The following SGK2 variants were observed in gnomAD, a reference collection of about 807,000 sequenced individuals.
SGK2 encodes serum/glucocorticoid regulated kinase 2.
A neutral mutation model predicts 47.5 loss-of-function variants in SGK2; 36 were observed. That is an observed-to-expected ratio of 0.76 (90% CI 0.58 to 1.00). The LOEUF (loss-of-function observed/expected upper bound fraction) is 1.00. SGK2 is among the 50% of genes least tolerant of loss of function. SGK2 has a pLI of 0.00. For synonymous variants in SGK2, 157 were observed against 181.9 expected (o/e 0.86, Z 1.10); for missense variants, 404 against 467.4 (o/e 0.86, Z 1.25).
At chr20:43,573,846 C>T (rs888634195) in intron 9 of SGK2, among the ~76,000 whole-genome samples, 18 of 152,164 alleles carry the variant, frequency 1.2e-4, no homozygotes, top group Non-Finnish European at 1.5e-5. Context: ...GCCATCCCTT[C>T]CTTGGACGTT....
At chr20:43,566,958 G>A (rs981323280) in intron 2 of SGK2, 110 bp from the exon 3 acceptor site, 4 of 823,976 alleles carry the variant, frequency 4.9e-6, no homozygotes, top group Non-Finnish European at 7.9e-6. Context: ...AAAAGAAAAA[G>A]GCAGGCAGGC....
At chr20:43,566,718 G>T (rs532936121) in intron 2 of SGK2, among the ~76,000 whole-genome samples, 187 bp downstream of exon 2, 11 of 152,180 alleles carry the variant, frequency 7.2e-5, no homozygotes, top group Middle Eastern at 3.2e-3. Flanking sequence ...GAAAAATCAT[G>T]AGATTTGTCA....
intron 10 of SGK2, 82 bp from the exon 11 acceptor site, chr20:43,576,142 C>T (rs1600996888): frequency 6.5e-7 from 1 of 1,534,530 alleles, no homozygotes; most frequent in East Asian, 2.3e-5. Flanking sequence ...ATCCTCCCAG[C>T]CGCCCACCTT....
chr20:43,569,346 T>A, intron 5 of SGK2, 39 bp from the exon 6 acceptor site: 1 of 1,609,872 alleles, frequency 6.2e-7, no homozygotes, highest in Non-Finnish European at 8.5e-7. Context: ...GAGGCTGTTG[T>A]GGGCTGTGAC....
At chr20:43,574,126 C>T (rs1231484906) in intron 9 of SGK2, among the ~76,000 whole-genome samples, 1 of 152,206 alleles carries the variant, frequency 6.6e-6, no homozygotes, top group Non-Finnish European at 1.5e-5. Flanking sequence ...GTACCAACCA[C>T]GGCTCAGGTC....
intron 12 of SGK2, among the ~76,000 whole-genome samples, chr20:43,581,915 T>G (rs908161339): frequency 6.6e-6 from 1 of 152,256 alleles, no homozygotes; most frequent in Non-Finnish European, 1.5e-5. Context: ...GCTGGAGAGT[T>G]CTCATCTTGC....
rs1272741825 is a variant in SGK2, at chr20:43,580,044, C to T, written c.922C>T (p.Pro308Ser). 2.5e-6 allele frequency: 4 copies of T among 1,601,282 alleles called. No individual in the cohort carries two copies. Among genetic ancestry groups the T allele is most frequent in the African/African-American group, 1.3e-5 (1 of 74,402 alleles). The change falls in exon 12 of 13, where the codon CCC (proline) becomes TCC (serine). Residue 308 changes from proline (P) to serine (S), a missense_variant. Pro to Ser is a moderately conservative substitution (Grantham distance 74, BLOSUM62 -1). Coordinates refer to ENST00000373100, the MANE Select transcript of SGK2 (RefSeq NM_170693.3). ...CCTGTACCACAAGAGGCTAACTCCA[C>T]CCTTCAACCCAAATGTGGTAAGAGG... ...DDLYHKRLTP[P>S]FNPNVTGPAD...
intron 11 of SGK2, 36 bp from the exon 12 acceptor site, chr20:43,579,936 C>T (rs550715908): frequency 1.3e-6 from 2 of 1,492,108 alleles, no homozygotes; most frequent in African/African-American, 1.4e-5. Flanking sequence ...GGGAGGGCTA[C>T]TTCTAACCAG....
rs1367790353 is a variant in SGK2 at position 43,561,450 on chromosome 20, C to T, written c.-24+2291C>T. Among the ~76,000 whole-genome samples the T allele has an allele frequency of 8.6e-5, 12 of 140,280 alleles. No homozygotes were observed. The South Asian group carries it at 9.0e-4, about 10-fold the overall frequency. The allele number at this position is 140,280 out of a possible 152,430, so 92.0% of individuals were successfully genotyped here. ...CTGTCACCAGGCTGGAGTGCAGTGGCGTGATCTCAGCTCACTGCAACCTCT... is the reference window on the plus strand; with the variant it reads ...CTGTCACCAGGCTGGAGTGCAGTGGTGTGATCTCAGCTCACTGCAACCTCT... On this transcript the variant is annotated intron_variant, in intron 1 of 12. Transcript: ENST00000373100.
At chr20:43,567,572 A>T (rs1979811117) in intron 3 of SGK2, 93 bp from the exon 4 acceptor site, 3 of 1,176,714 alleles carry the variant, frequency 2.5e-6, no homozygotes, top group Non-Finnish European at 3.8e-6. Flanking sequence ...GTATTTCCCC[A>T]TTCTAAAGTT....
intron 10 of SGK2, 126 bp from the exon 11 acceptor site, chr20:43,576,098 T>C (rs1980442255): frequency 9.4e-7 from 1 of 1,061,334 alleles, no homozygotes; most frequent in Non-Finnish European, 1.4e-6. Flanking sequence ...CAGTCTGCCA[T>C]GCGAGCCATT....
Position 43,567,001 on chromosome 20 carries a change from T to A in SGK2, c.37-67T>A, listed in dbSNP as rs1979771118. On this transcript the variant is annotated intron_variant, in intron 2 of 12. Transcript: ENST00000373100. ...AGTTGTTGGAGAAGGGATCAGGGCC[T>A]GGGCCAGGAGAAAGGGAGGTAGCCA... 3.7e-6 allele frequency: 5 copies of A among 1,346,614 alleles called. No individual in the cohort carries two copies. The East Asian group carries it at 1.1e-4, about 31-fold the overall frequency. 83.4% of individuals were successfully genotyped at this position (1,346,614 alleles called of 1,614,324 possible).
In SGK2 at chr20:43,568,918, G is replaced by C. The variant is rs554060765; in HGVS notation, c.229-467G>C. On this transcript the variant is annotated intron_variant, in intron 5 of 12. Coordinates refer to ENST00000373100, the MANE Select transcript of SGK2 (RefSeq NM_170693.3). The stretch of plus-strand genomic sequence containing the variant: ...AGATTAATGTTAACAAGGTCTCCGT[G>C]GGGGGTGGAATGGGAGGTCTTCCTG... Among the ~76,000 whole-genome samples, 11 of 152,276 alleles carry C rather than the reference G, an allele frequency of 7.2e-5. No individual in the cohort carries two copies. In the East Asian group the frequency reaches 9.6e-4, roughly 13 times the overall value.
At chr20:43,584,184 C>T (rs1187975035) in intron 12 of SGK2, among the ~76,000 whole-genome samples, 1 of 152,016 alleles carries the variant, frequency 6.6e-6, no homozygotes, top group Non-Finnish European at 1.5e-5. Context: ...TAGTCTGGGG[C>T]TGTTCACATG....
At chr20:43,569,050 A>G (rs1197690710) in intron 5 of SGK2, among the ~76,000 whole-genome samples, 1 of 152,166 alleles carries the variant, frequency 6.6e-6, no homozygotes, top group African/African-American at 2.4e-5. Context: ...ATGAATATGG[A>G]TAGTGTGTGG....
intron 12 of SGK2, among the ~76,000 whole-genome samples, chr20:43,584,110 C>G (rs1226508170): frequency 2.0e-5 from 3 of 152,080 alleles, no homozygotes; most frequent in African/African-American, 7.2e-5. Flanking sequence ...CACTCCCATG[C>G]CTGGGAGTTG....
chr20:43,576,841 C>A (rs1980489895), intron 11 of SGK2, among the ~76,000 whole-genome samples: 1 of 152,226 alleles, frequency 6.6e-6, no homozygotes, highest in Non-Finnish European at 1.5e-5. Context: ...ACTTAGTAGG[C>A]TGAGGCAGGA....
At chr20:43,570,795 T>C in intron 7 of SGK2, 66 bp downstream of exon 7, 2 of 1,357,124 alleles carry the variant, frequency 1.5e-6, no homozygotes, top group Middle Eastern at 1.8e-4. Context: ...AGGGGTTGTG[T>C]GGACACTAAA....
At chr20:43,578,093 CT>C (rs954196969) in intron 11 of SGK2, among the ~76,000 whole-genome samples, 2 of 152,186 alleles carry the variant, frequency 1.3e-5, no homozygotes, top group African/African-American at 4.8e-5. Flanking sequence ...AATAATCCTA[CT>C]TTTTTTATTC....
Sources: gnomAD v4.1 joint callset for allele counts (sites outside exome capture counted in the v4.1 genomes callset) on GRCh38, gnomAD v4.1.1 for gene constraint, MANE v1.5 for transcripts, NCBI Gene and HGNC (gene_info 2026-07-23, HGNC 2026-07-21) for gene names.